IGF1R: variants seen among roughly 807,000 people sequenced by gnomAD.
The protein encoded by IGF1R is insulin-like growth factor 1 receptor.
In IGF1R, 44 loss-of-function variants were observed where a neutral mutation model predicts 144.6. The ratio of observed to expected loss-of-function variants is 0.30; its 90% CI spans 0.24 to 0.39. The LOEUF is 0.39. Ranked by LOEUF, IGF1R falls within the 10% of genes least tolerant of loss-of-function variation. The probability of loss-of-function intolerance (pLI) is 1.00; values close to 1 mark genes in which losing one functional copy is unlikely to be tolerated. For synonymous variants in IGF1R, 795 were observed against 722.8 expected (o/e 1.10, Z -1.60); for missense variants, 1,355 against 1,833.7 (o/e 0.74, Z 4.77).
chr15:98,704,315 C>T lies in IGF1R; in HGVS notation c.95-3247C>T, dbSNP rs2053809088. Among the ~76,000 whole-genome samples the T allele has an allele frequency of 6.6e-6, 1 of 152,054 alleles. No homozygotes were observed. Among genetic ancestry groups the T allele is most frequent in the Non-Finnish European group, 1.5e-5 (1 of 68,012 alleles). ...TTGAAGCTAAGGTGTTTAGGCAGAG[C>T]TCTGAGGAGGTGACGTTTGAGTGGA... On this transcript the variant is annotated intron_variant, in intron 1 of 20. Transcript: ENST00000650285. The surrounding 1 kb of genome is among the most constrained non-coding windows in gnomAD (Gnocchi z 4.9).
At chr15:98,710,169 C>CA (rs2053959533) in intron 2 of IGF1R, among the ~76,000 whole-genome samples, 1 of 152,148 alleles carries the variant, frequency 6.6e-6, no homozygotes, top group South Asian at 2.1e-4. Flanking sequence ...GCCTTGATAT[C>CA]ACCTGTTGGT....
At chr15:98,669,996 C>T (rs971255779) in intron 1 of IGF1R, among the ~76,000 whole-genome samples, 1 of 152,066 alleles carries the variant, frequency 6.6e-6, no homozygotes, top group African/African-American at 2.4e-5. Context: ...TAGATCGGGG[C>T]CCCAGGGATG....
chr15:98,802,245 C>A (rs1175010503), intron 2 of IGF1R, among the ~76,000 whole-genome samples: 3 of 152,198 alleles, frequency 2.0e-5, no homozygotes, highest in Non-Finnish European at 4.4e-5. Flanking sequence ...ATTGTGAAGT[C>A]ATTCTTTCTG....
intron 1 of IGF1R, among the ~76,000 whole-genome samples, chr15:98,656,684 G>A (rs1039416418): frequency 6.6e-6 from 1 of 152,162 alleles, no homozygotes; most frequent in African/African-American, 2.4e-5. Context: ...GCGGGGAGGA[G>A]TTTGAAACTT....
At chr15:98,741,243 T>G (rs1260646948) in intron 2 of IGF1R, among the ~76,000 whole-genome samples, 2 of 148,980 alleles carry the variant, frequency 1.3e-5, no homozygotes, top group African/African-American at 2.5e-5. Flanking sequence ...AGCTTTTTTT[T>G]TTTTTTTTTT....
chr15:98,926,143 TAGAAA>T lies in IGF1R; in HGVS notation c.2782+1466_2782+1470del, dbSNP rs111652794. 5.9e-3 allele frequency among the ~76,000 whole-genome samples: 890 copies of T among 152,116 alleles called. 11 individuals carry two copies. Among genetic ancestry groups the T allele is most frequent in the African/African-American group, 0.021 (855 of 41,500 alleles). On this transcript the variant is annotated intron_variant, in intron 13 of 20. Transcript: ENST00000650285. ...TATAGAATACTATTCTACCATAAAT[TAGAAA>T]AGAAAAATGTCGTTTGTGGCAACCT... is the stretch of plus-strand genomic sequence containing the variant.
chr15:98,883,444 T>C (rs1384981889), intron 2 of IGF1R, among the ~76,000 whole-genome samples: 1 of 152,212 alleles, frequency 6.6e-6, no homozygotes, highest in Middle Eastern at 3.2e-3. Context: ...TCAACTAAGC[T>C]TCCTTTTCCA....
chr15:98,836,827 A>G (rs1295806259), intron 2 of IGF1R, among the ~76,000 whole-genome samples: 2 of 152,304 alleles, frequency 1.3e-5, no homozygotes, highest in African/African-American at 2.4e-5. Flanking sequence ...GAATGCTCCA[A>G]ATTGGTTCTA....
chr15:98,657,943 C>T (rs1283430843), intron 1 of IGF1R, among the ~76,000 whole-genome samples: 1 of 152,220 alleles, frequency 6.6e-6, no homozygotes, highest in Non-Finnish European at 1.5e-5. Context: ...CCTGCATTGA[C>T]TCTGACTACA....
chr15:98,860,826 G>T (rs1267098932), intron 2 of IGF1R, among the ~76,000 whole-genome samples: 1 of 152,126 alleles, frequency 6.6e-6, no homozygotes, highest in African/African-American at 2.4e-5. Context: ...CTTCCTTTTT[G>T]CTGTGAGTGC....
At position 98,948,818 on chromosome 15, in the gene IGF1R, C is replaced by T. The variant is rs2016657665; in HGVS notation, c.3722+110C>T. 2.5e-5 allele frequency: 32 copies of T among 1,264,304 alleles called. No individual in the cohort carries two copies. The South Asian group carries it at 3.6e-4, about 14-fold the overall frequency. 78.3% of individuals were successfully genotyped at this position (1,264,304 alleles called of 1,614,324 possible). On this transcript the variant is annotated intron_variant, in intron 20 of 20. Coordinates refer to ENST00000650285, the MANE Select transcript of IGF1R (RefSeq NM_000875.5). ...AAAGCCATTCTCTCTGGTCCTGCGC[C>T]TCCCTTGCCAGGCGTGGCTAAGAGG...
intron 2 of IGF1R, among the ~76,000 whole-genome samples, chr15:98,811,506 G>T (rs2056588900): frequency 6.7e-6 from 1 of 149,626 alleles, no homozygotes; most frequent in Non-Finnish European, 1.5e-5. Context: ...CTCCAGCCTG[G>T]GTGACAGAGC....
intron 5 of IGF1R, among the ~76,000 whole-genome samples, chr15:98,905,800 A>G (rs759227566): frequency 3.9e-5 from 6 of 152,214 alleles, no homozygotes; most frequent in Non-Finnish European, 7.3e-5. Flanking sequence ...AACAATGATA[A>G]CTTTAGCGTA....
intron 2 of IGF1R, among the ~76,000 whole-genome samples, chr15:98,769,925 C>T (rs921547627): frequency 6.6e-6 from 1 of 152,126 alleles, no homozygotes; most frequent in Non-Finnish European, 1.5e-5. Flanking sequence ...CTATCCCCTT[C>T]CGTCTGCTGG....
chr15:98,825,539 A>T (rs1404972004), intron 2 of IGF1R, among the ~76,000 whole-genome samples: 1 of 152,162 alleles, frequency 6.6e-6, no homozygotes, highest in Admixed American at 6.5e-5. Context: ...TTCTCATAGG[A>T]GTGAGAACCC....
At chr15:98,952,459 C>T (rs754774054) in intron 20 of IGF1R, among the ~76,000 whole-genome samples, 1 of 152,134 alleles carries the variant, frequency 6.6e-6, no homozygotes, top group Non-Finnish European at 1.5e-5. Context: ...GTCTGATGAC[C>T]ACTGAATCTG....
At chr15:98,667,251 C>A (rs1487002115) in intron 1 of IGF1R, among the ~76,000 whole-genome samples, 1 of 152,094 alleles carries the variant, frequency 6.6e-6, no homozygotes, top group Non-Finnish European at 1.5e-5. Flanking sequence ...TTTTCATTTT[C>A]TTATTTTTCC....
intron 5 of IGF1R, among the ~76,000 whole-genome samples, chr15:98,907,190 G>C (rs561590668): frequency 6.6e-6 from 1 of 152,192 alleles, no homozygotes; most frequent in South Asian, 2.1e-4. Flanking sequence ...CTGGTCTGAC[G>C]TCCCTTTGTG....
Position 98,957,459 on chromosome 15 carries a change from C to T in IGF1R, c.*17C>T, listed in dbSNP as rs1285151604. The T allele has an allele frequency of 1.2e-6, 2 of 1,612,544 alleles. No individual in the cohort carries two copies. The highest frequency in any genetic ancestry group is 2.7e-5 in the African/African-American group (2 of 74,932). On this transcript the variant is annotated 3_prime_UTR_variant, in exon 21 of 21. Transcript: ENST00000650285. ...ACCTGCTGATCCTTGGATCCTGAAT[C>T]TGTGCAAACAGTAACGTGTGCGCAC...
Sources: allele counts gnomAD v4.1 joint callset (sites outside exome capture counted in the v4.1 genomes callset), GRCh38; gene constraint gnomAD v4.1.1; non-coding constraint Gnocchi (gnomAD v3.1); transcripts MANE v1.5; gene names NCBI Gene and HGNC (gene_info 2026-07-23, HGNC 2026-07-21).